Variants in RTEL1 observed in about 807,000 individuals in gnomAD.
RTEL1 encodes the protein regulator of telomere elongation helicase 1.
A neutral mutation model predicts 162.2 loss-of-function variants in RTEL1; 86 were observed. The observed-to-expected ratio is 0.53, with a 90% CI of 0.45 to 0.63. RTEL1 has a LOEUF of 0.63. RTEL1 is among the 30% of genes least tolerant of loss of function. RTEL1 has a pLI of 0.00. For synonymous variants in RTEL1, 958 were observed against 717.9 expected (o/e 1.33, Z -5.35); for missense variants, 1,941 against 1,750.2 (o/e 1.11, Z -1.95).
chr20:63,694,311 C>CCCCCCCCCGG, intron 30 of RTEL1, 61 bp from the exon 31 acceptor site: 1 of 1,054,854 alleles, frequency 9.5e-7, no homozygotes, highest in Non-Finnish European at 1.5e-6. Flanking sequence ...CCTGCCCCCC[C>CCCCCCCCCGG]ACCCCAGGGA....
chr20:63,682,477 CTT>C, intron 14 of RTEL1: 2 of 984,774 alleles, frequency 2.0e-6, no homozygotes, highest in African/African-American at 3.5e-5. Context: ...CAGGCCCCCA[CTT>C]AAGGAGAAGA....
chr20:63,689,208 CTG>C, intron 22 of RTEL1, 76 bp downstream of exon 22: 2 of 1,416,040 alleles, frequency 1.4e-6, no homozygotes, highest in Non-Finnish European at 2.0e-6. Context: ...CCAGCAGACT[CTG>C]GGCCCTGGGG....
intron 12 of RTEL1, among the ~76,000 whole-genome samples, chr20:63,678,644 C>T (rs546474734): frequency 6.9e-6 from 1 of 145,174 alleles, no homozygotes; most frequent in East Asian, 2.0e-4. Flanking sequence ...CACACACACT[C>T]CCACGGAACA....
At chr20:63,683,119 G>A (rs552143534) in intron 14 of RTEL1, among the ~76,000 whole-genome samples, 141 of 152,272 alleles carry the variant, frequency 9.3e-4, no homozygotes, top group Admixed American at 2.1e-3. Flanking sequence ...GTGCACCACC[G>A]CACTCAGCTA....
Position 63,667,431 on chromosome 20 carries a change from TG to T in RTEL1, c.615-34del, listed in dbSNP as rs759035985. 3 of 1,527,550 alleles carry T rather than the reference TG, an allele frequency of 2.0e-6. No individual in the cohort carries two copies. The African/African-American group carries it at 4.1e-5, about 21-fold the overall frequency. 94.6% of individuals were successfully genotyped at this position (1,527,550 alleles called of 1,614,324 possible). A position where few individuals can be genotyped will look rare whatever the true frequency, so the allele number is the denominator to read the frequency against. ...CGGCCTCGGGGCACCGTCCCCTGCA[TG>T]GGGTGCTCACAGGATCTTCTCCTCT... is the stretch of plus-strand genomic sequence containing the variant. On this transcript the variant is annotated intron_variant, in intron 7 of 34. Transcript: ENST00000360203.
intron 14 of RTEL1, among the ~76,000 whole-genome samples, chr20:63,685,045 G>GTTTT (rs745351879): frequency 7.8e-6 from 1 of 127,502 alleles, no homozygotes; most frequent in African/African-American, 2.9e-5. Flanking sequence ...GCCCGGCTAG[G>GTTTT]TTTTTTTTTT....
At position 63,694,536 on chromosome 20, in the gene RTEL1, C is replaced by T. The variant is rs534777083; in HGVS notation, c.3109+48C>T. The T allele has an allele frequency of 3.5e-5, 51 of 1,457,994 alleles. No individual in the cohort carries two copies. In the Middle Eastern group the frequency reaches 1.7e-3, roughly 47 times the overall value. The allele number at this position is 1,457,994 out of a possible 1,614,324, so 90.3% of individuals were successfully genotyped here. On this transcript the variant is annotated intron_variant, in intron 31 of 34. Coordinates refer to ENST00000360203, the MANE Select transcript of RTEL1 (RefSeq NM_001283009.2). ...GCAGCCTACGACTTGGTGGGTCCCT[C>T]AGTGGCTTCACGAGGCTAACTCTTG...
chr20:63,694,219 T>C (rs2090905721), intron 30 of RTEL1, 153 bp from the exon 31 acceptor site: 2 of 671,498 alleles, frequency 3.0e-6, no homozygotes, highest in South Asian at 1.7e-5. Flanking sequence ...TCTCCTCTGA[T>C]GCCCCCAGCA....
At chr20:63,692,653 A>G (rs1241858284) in intron 28 of RTEL1, 152 bp from the exon 29 acceptor site, 7 of 711,402 alleles carry the variant, frequency 9.8e-6, no homozygotes, top group African/African-American at 1.8e-5. Flanking sequence ...GCCCCTCCCT[A>G]TGTCCATCCA....
intron 8 of RTEL1, among the ~76,000 whole-genome samples, chr20:63,671,505 G>A (rs1233099298): frequency 6.6e-6 from 1 of 151,362 alleles, no homozygotes; most frequent in African/African-American, 2.4e-5. Flanking sequence ...TTTTTGAGAC[G>A]GGGTCTTGCT....
chr20:63,692,797 T>C lies in RTEL1; in HGVS notation c.2653-8T>C. 6.2e-7 allele frequency: 1 copy of C among 1,608,366 alleles called. No homozygotes were observed. Among genetic ancestry groups the C allele is most frequent in the East Asian group, 2.2e-5 (1 of 44,738 alleles). On this transcript the variant is annotated splice_polypyrimidine_tract_variant and splice_region_variant and intron_variant, in intron 28 of 34. Coordinates refer to ENST00000360203, the MANE Select transcript of RTEL1 (RefSeq NM_001283009.2). The stretch of plus-strand genomic sequence containing the variant: ...GCCCTGATGGAGCCTCGGGCCTGTG[T>C]CCTGCAGGAGGAGCCCGTGGCTGGT...
At chr20:63,680,779 C>T in intron 14 of RTEL1, 60 bp downstream of exon 14, 2 of 1,602,624 alleles carry the variant, frequency 1.2e-6, no homozygotes, top group South Asian at 1.1e-5. Flanking sequence ...GGTGCCTTCT[C>T]CTGCTGTATT....
intron 7 of RTEL1, among the ~76,000 whole-genome samples, chr20:63,666,516 C>T (rs1262518331): frequency 6.6e-6 from 1 of 152,204 alleles, no homozygotes; most frequent in Non-Finnish European, 1.5e-5. Flanking sequence ...TAAAGCTCTT[C>T]TTATATTGAG....
At chr20:63,674,996 C>T (rs2090320577) in intron 10 of RTEL1, among the ~76,000 whole-genome samples, 1 of 152,110 alleles carries the variant, frequency 6.6e-6, no homozygotes, top group Admixed American at 6.5e-5. Flanking sequence ...CAACCTCCGC[C>T]TCCTGGGTTC....
intron 14 of RTEL1, chr20:63,682,754 A>G (rs985574388): frequency 2.3e-5 from 21 of 926,584 alleles, no homozygotes; most frequent in African/African-American, 5.3e-5. Flanking sequence ...GGCCCCAGGA[A>G]GAGGATGTGG....
chr20:63,687,712 C>G lies in RTEL1; in HGVS notation c.1423C>G (p.Leu475Val). 6.2e-7 allele frequency: 1 copy of G among 1,603,630 alleles called. No individual in the cohort carries two copies. The highest frequency in any genetic ancestry group is 8.5e-7 in the Non-Finnish European group (1 of 1,176,758). Residue 475 changes from leucine to valine, a missense_variant, in exon 17 of 35, where the codon CTC becomes GTC. Leu to Val is a conservative substitution (Grantham distance 32). Transcript: ENST00000360203. Reference protein sequence around the residue: ...HELVRQGVRSLILTSGTLAPV... With the variant: ...HELVRQGVRSVILTSGTLAPV... ...GCTGGTCCGCCAGGGCGTCCGCTCC[C>G]TCATCCTTACCAGCGGCACGCTGGC... is the stretch of plus-strand genomic sequence containing the variant.
intron 30 of RTEL1, among the ~76,000 whole-genome samples, chr20:63,693,631 C>T (rs1015687553): frequency 1.1e-5 from 1 of 94,312 alleles, no homozygotes; most frequent in East Asian, 2.8e-4. Flanking sequence ...ACCACCACCT[C>T]CACCACCACC....
intron 1 of RTEL1, 51 bp from the exon 2 acceptor site, chr20:63,659,182 C>T (rs2089969099): frequency 1.8e-6 from 1 of 562,004 alleles, no homozygotes; most frequent in South Asian, 2.0e-5. Context: ...GGGAAAGTAG[C>T]CCGGTACCCA....
chr20:63,662,421 T>G (rs1478710725), intron 4 of RTEL1, 125 bp from the exon 5 acceptor site: 1 of 1,555,032 alleles, frequency 6.4e-7, no homozygotes, highest in South Asian at 1.2e-5. Flanking sequence ...GGGCCACGTT[T>G]CAGTTATGCT....
Sources: allele counts gnomAD v4.1 joint callset (sites outside exome capture counted in the v4.1 genomes callset), GRCh38; gene constraint gnomAD v4.1.1; transcripts MANE v1.5; gene names NCBI Gene and HGNC (gene_info 2026-07-23, HGNC 2026-07-21).